ERI1: variants seen among roughly 807,000 people sequenced by gnomAD.
ERI1 encodes the protein exoribonuclease 1.
Under a neutral mutation model 39.7 loss-of-function variants are expected in ERI1, and 39 were observed. The ratio of observed to expected loss-of-function variants is 0.98; its 90% confidence interval spans 0.76 to 1.28. The LOEUF is 1.28. Ranked by LOEUF, ERI1 falls within the 50% of genes most tolerant of loss-of-function variation. ERI1 has a pLI of 0.00. For synonymous variants in ERI1, 204 were observed against 149.6 expected, an observed-to-expected ratio of 1.36 and a Z score of -2.65; for missense variants, 581 against 416.9, an observed-to-expected ratio of 1.39 and a Z score of -3.43.
At chr8:9,011,344 A>AG (rs1816647474) in intron 2 of ERI1, among the ~76,000 whole-genome samples, 198 bp from the exon 3 acceptor site, 1 of 152,202 alleles carries the variant, frequency 6.6e-6, no homozygotes, top group African/African-American at 2.4e-5. Flanking sequence ...GAAAATGTTA[A>AG]TGTTGTAATA....
At chr8:9,005,366 A>G (rs752564972) in intron 1 of ERI1, among the ~76,000 whole-genome samples, 1 of 152,140 alleles carries the variant, frequency 6.6e-6, no homozygotes, top group Non-Finnish European at 1.5e-5. Flanking sequence ...TTTTTCTTGC[A>G]ACAACAGATT....
At position 9,011,537 on chromosome 8, in the gene ERI1, C is replaced by G; in HGVS notation, c.288-5C>G. The G allele has an allele frequency of 6.3e-7, 1 of 1,586,254 alleles. No homozygotes were observed. The highest frequency in any genetic ancestry group is 8.6e-7 in the Non-Finnish European group (1 of 1,163,072). ...AAGTGTAACTAGTCTTCTTCTTCTA[C>G]TTAGAGGAGTAAAGGATGTTCTAAA... On this transcript the variant is annotated splice_polypyrimidine_tract_variant and splice_region_variant and intron_variant, in intron 2 of 6. Coordinates refer to ENST00000250263, the MANE Select transcript of ERI1 (RefSeq NM_153332.4).
At position 9,011,752 on chromosome 8, in the gene ERI1, A is replaced by C. The variant is rs1816696482; in HGVS notation, c.498A>C (p.Ile166=). The change falls in exon 3 of 7, where the codon ATA becomes ATC. Residue 166 remains isoleucine, a splice_region_variant and synonymous_variant. Transcript: ENST00000250263. The stretch of plus-strand genomic sequence containing the variant: ...TACTGAATACGCATACTTTAGAAAT[A>C]GTAAGTGAATTTTTGTATTTTAATT... ...VVLLNTHTLE[I]EDTFQQYVRP... The C allele has an allele frequency of 6.3e-7, 1 of 1,588,940 alleles. No homozygotes were observed.
At chr8:9,006,044 T>G (rs974136286) in intron 1 of ERI1, among the ~76,000 whole-genome samples, 4 of 152,180 alleles carry the variant, frequency 2.6e-5, no homozygotes, top group African/African-American at 9.6e-5. Flanking sequence ...ATGTGATAGG[T>G]GGATGTAGTT....
chr8:9,024,009 C>A (rs1317923865), intron 6 of ERI1, among the ~76,000 whole-genome samples: 1 of 151,718 alleles, frequency 6.6e-6, no homozygotes, highest in Non-Finnish European at 1.5e-5. Flanking sequence ...ACCATATTAG[C>A]CAGGCTGGTC....
chr8:9,077,118 G>T (rs1799233749), intron 3 of ERI1, among the ~76,000 whole-genome samples: 1 of 152,204 alleles, frequency 6.6e-6, no homozygotes, highest in South Asian at 2.1e-4. Flanking sequence ...GAAGTATGCT[G>T]AAACTCCTTT....
At chr8:9,012,536 A>G (rs1585195064) in intron 3 of ERI1, among the ~76,000 whole-genome samples, 1 of 152,244 alleles carries the variant, frequency 6.6e-6, no homozygotes, top group East Asian at 1.9e-4. Flanking sequence ...AATCTCTTTT[A>G]GTTATAGTCT....
chr8:9,046,461 A>G (rs149912172), intron 3 of ERI1, among the ~76,000 whole-genome samples: 1 of 152,278 alleles, frequency 6.6e-6, no homozygotes, highest in African/African-American at 2.4e-5. Flanking sequence ...CTTCCATGAG[A>G]TGCTCCTTTA....
At chr8:9,022,838 T>C (rs1331197560) in intron 6 of ERI1, among the ~76,000 whole-genome samples, 1 of 152,190 alleles carries the variant, frequency 6.6e-6, no homozygotes, top group Non-Finnish European at 1.5e-5. Context: ...TCATGGCCAG[T>C]CATGTTTCAT....
chr8:9,073,441 G>A (rs1318610144), intron 3 of ERI1, among the ~76,000 whole-genome samples: 8 of 152,140 alleles, frequency 5.3e-5, no homozygotes, highest in Non-Finnish European at 1.5e-5. Flanking sequence ...GGTTACCGAT[G>A]GACAGGTTAG....
intron 3 of ERI1, among the ~76,000 whole-genome samples, chr8:9,071,584 A>G (rs1219216567): frequency 3.9e-5 from 6 of 152,246 alleles, no homozygotes; most frequent in Non-Finnish European, 8.8e-5. Context: ...TGCTTTCTCC[A>G]GATAGGACGG....
chr8:9,091,080 C>G (rs1381265261), intron 3 of ERI1, among the ~76,000 whole-genome samples: 7 of 152,092 alleles, frequency 4.6e-5, no homozygotes, highest in Non-Finnish European at 7.3e-5. Context: ...TATATGTTCC[C>G]CTATTTTATT....
At chr8:9,073,857 T>C (rs1160504128) in intron 3 of ERI1, among the ~76,000 whole-genome samples, 1 of 152,156 alleles carries the variant, frequency 6.6e-6, no homozygotes, top group Non-Finnish European at 1.5e-5. Flanking sequence ...TATTCACAAC[T>C]AGCTTCTTAA....
intron 6 of ERI1, among the ~76,000 whole-genome samples, chr8:9,020,802 G>C (rs1263090643): frequency 6.6e-6 from 1 of 152,116 alleles, no homozygotes; most frequent in East Asian, 1.9e-4. Flanking sequence ...CCGTGTAAAT[G>C]TTTAAAATAT....
chr8:9,029,996 G>A lies in ERI1; in HGVS notation c.1012G>A (p.Gly338Ser), dbSNP rs540348741. 29 of 1,612,588 alleles carry A rather than the reference G, an allele frequency of 1.8e-5. No individual in the cohort carries two copies. Among genetic ancestry groups the A allele is most frequent in the Non-Finnish European group, 2.3e-5 (27 of 1,179,724 alleles). Reference protein sequence around the residue: ...MSVSSSLPIEGTPPPQMPHFR... With the variant: ...MSVSSSLPIESTPPPQMPHFR... ...TGTGTCCTCTTCCTTACCAATAGAGGGCACTCCACCACCACAAATGCCACA... is the reference window on the plus strand; with the variant it reads ...TGTGTCCTCTTCCTTACCAATAGAGAGCACTCCACCACCACAAATGCCACA... The change falls in exon 7 of 7, where the codon GGC (glycine) becomes AGC (serine). Residue 338 changes from glycine (G) to serine (S), a missense_variant. Coordinates refer to ENST00000250263, the MANE Select transcript of ERI1 (RefSeq NM_153332.4).
At chr8:9,033,876 TA>T (rs1450033455), downstream of ERI1, among the ~76,000 whole-genome samples, 19 of 152,184 alleles carry the variant, frequency 1.2e-4, no homozygotes, top group Non-Finnish European at 1.8e-4. Flanking sequence ...TGGTTTAAAC[TA>T]GACATTTTCA....
intron 3 of ERI1, among the ~76,000 whole-genome samples, chr8:9,090,210 T>G (rs1799662353): frequency 6.6e-6 from 1 of 152,034 alleles, no homozygotes; most frequent in South Asian, 2.1e-4. Flanking sequence ...CTCCACTGCT[T>G]CTTCCTCCTC....
intron 3 of ERI1, chr8:9,049,994 C>T (rs983700574): frequency 6.6e-6 from 1 of 152,130 alleles, no homozygotes; most frequent in Non-Finnish European, 1.5e-5. Flanking sequence ...TGAACACGTC[C>T]TCCCCATCAT....
At chr8:9,012,035 TAAAG>T (rs10584185) in intron 3 of ERI1, among the ~76,000 whole-genome samples, 81,079 of 151,522 alleles carry the variant, frequency 0.54, 23,175 homozygotes, top group East Asian at 0.71. Flanking sequence ...AGTAAAAAAA[TAAAG>T]AAAACACTAA....
Sources: gnomAD v4.1 joint callset for allele counts (sites outside exome capture counted in the v4.1 genomes callset) on GRCh38, gnomAD v4.1.1 for gene constraint, MANE v1.5 for transcripts, NCBI Gene and HGNC (gene_info 2026-07-23, HGNC 2026-07-21) for gene names.